Variants in HIVEP3 observed in about 807,000 individuals in gnomAD.
The protein encoded by HIVEP3 is transcription factor HIVEP3.
In HIVEP3, 49 loss-of-function variants were observed where a neutral mutation model predicts 152.8. The observed-to-expected ratio is 0.32, with a 90% confidence interval of 0.26 to 0.41. The LOEUF is 0.41. Among genes scored for constraint, HIVEP3 ranks in the 10% least tolerant of loss-of-function variants. The pLI, the probability that HIVEP3 is intolerant of heterozygous loss-of-function variation, is 1.00. For synonymous variants in HIVEP3, 1,269 were observed against 1,289.0 expected (o/e 0.98, Z 0.33); for missense variants, 2,790 against 3,103.3 (o/e 0.90, Z 2.40).
chr1:41,535,511 G>A (rs1047811941), intron 5 of HIVEP3: 15 of 152,230 alleles, frequency 9.9e-5, no homozygotes, highest in East Asian at 3.9e-4. Context: ...GCTGCAAGAC[G>A]GTCCACTGCT....
chr1:41,584,535 G>T lies in HIVEP3; in HGVS notation c.263C>A (p.Ala88Glu). ...CGGAAGCTGTGAGATGTGGACGGAT[G>T]CTTCGATGGGGGGCCTTTTGGGGGG... ...QKPPKRPPIEASVHISQLPQH... is the reference protein window; with the variant it reads ...QKPPKRPPIEESVHISQLPQH... Residue 88 changes from alanine (A) to glutamate (E), a missense_variant, in exon 4 of 9, where the codon GCA becomes GAA. Physicochemically the swap from Ala to Glu is moderately radical, Grantham distance 107. Coordinates refer to ENST00000372583, the MANE Select transcript of HIVEP3 (RefSeq NM_024503.5). The surrounding 1 kb of genome is among the most constrained non-coding windows in gnomAD (Gnocchi z 5.2). 1 of 1,614,140 alleles carries T rather than the reference G, an allele frequency of 6.2e-7. No individual in the cohort carries two copies. The highest frequency in any genetic ancestry group is 8.5e-7 in the Non-Finnish European group (1 of 1,180,016).
chr1:41,885,414 C>G (rs1279804001), intron 1 of HIVEP3, among the ~76,000 whole-genome samples: 3 of 152,080 alleles, frequency 2.0e-5, no homozygotes, highest in Non-Finnish European at 2.9e-5. Context: ...GCCTATAATC[C>G]CAGCACTTTG....
At chr1:41,917,682 A>G (rs953790727) in intron 1 of HIVEP3, among the ~76,000 whole-genome samples, 1 of 152,192 alleles carries the variant, frequency 6.6e-6, no homozygotes, top group Non-Finnish European at 1.5e-5. Context: ...TCCATTTAAA[A>G]GATAGTAAAA....
At chr1:41,907,636 C>A (rs762616892) in intron 1 of HIVEP3, among the ~76,000 whole-genome samples, 3 of 152,196 alleles carry the variant, frequency 2.0e-5, no homozygotes, top group Non-Finnish European at 4.4e-5. Flanking sequence ...TGTGCCCCAC[C>A]ACTAGTAGGC....
chr1:41,536,953 T>C (rs776609802), intron 5 of HIVEP3, among the ~76,000 whole-genome samples: 1 of 152,194 alleles, frequency 6.6e-6, no homozygotes. Flanking sequence ...TTAACTGCTG[T>C]GCAATTCTGT....
intron 5 of HIVEP3, among the ~76,000 whole-genome samples, chr1:41,571,115 G>A (rs1277281835): frequency 1.3e-5 from 2 of 152,036 alleles, no homozygotes; most frequent in African/African-American, 2.4e-5. Flanking sequence ...CGCAGGGTCT[G>A]GCATGGACTC....
At chr1:41,818,600 T>C (rs1028432197) in intron 1 of HIVEP3, among the ~76,000 whole-genome samples, 1 of 152,156 alleles carries the variant, frequency 6.6e-6, no homozygotes, top group South Asian at 2.1e-4. Flanking sequence ...CACGCAGTCA[T>C]TGGAAGCAGT....
intron 1 of HIVEP3, among the ~76,000 whole-genome samples, chr1:42,030,504 C>A (rs1323542124): frequency 6.6e-6 from 1 of 152,232 alleles, no homozygotes; most frequent in Non-Finnish European, 1.5e-5. Context: ...AAGTAGACTT[C>A]TTCTCTACCA....
chr1:41,597,970 A>G (rs1217062006), intron 3 of HIVEP3, among the ~76,000 whole-genome samples: 1 of 152,116 alleles, frequency 6.6e-6, no homozygotes, highest in Non-Finnish European at 1.5e-5. Context: ...CCACCTACCT[A>G]TCTCATTGTT....
At chr1:41,809,819 G>T (rs1415344851) in intron 1 of HIVEP3, among the ~76,000 whole-genome samples, 4 of 152,114 alleles carry the variant, frequency 2.6e-5, no homozygotes, top group African/African-American at 7.2e-5. Flanking sequence ...TCAGATGAAA[G>T]AAAAAGGGGA....
intron 1 of HIVEP3, among the ~76,000 whole-genome samples, chr1:41,979,329 C>T (rs1192237781): frequency 6.6e-6 from 1 of 152,104 alleles, no homozygotes; most frequent in Admixed American, 6.6e-5. Context: ...ATGCCTGGCC[C>T]GGTGTGAGAC....
At chr1:41,636,025 G>A (rs1473865501) in intron 2 of HIVEP3, among the ~76,000 whole-genome samples, 1 of 152,226 alleles carries the variant, frequency 6.6e-6, no homozygotes, top group Admixed American at 6.5e-5. Flanking sequence ...CAACTGGCTG[G>A]CTGTTTATTC....
At chr1:41,779,004 G>A (rs2124278729) in intron 1 of HIVEP3, among the ~76,000 whole-genome samples, 1 of 152,318 alleles carries the variant, frequency 6.6e-6, no homozygotes, top group East Asian at 1.9e-4. Context: ...AGACCAGTGT[G>A]GCTGAAGGGC....
chr1:41,766,940 AG>A (rs1177502266), intron 1 of HIVEP3, among the ~76,000 whole-genome samples: 1 of 152,188 alleles, frequency 6.6e-6, no homozygotes, highest in Non-Finnish European at 1.5e-5. Flanking sequence ...GCAGGAGGAA[AG>A]ACTCCCCAAA....
intron 1 of HIVEP3, among the ~76,000 whole-genome samples, chr1:41,731,218 G>C (rs1006035126): frequency 6.6e-6 from 1 of 152,118 alleles, no homozygotes; most frequent in African/African-American, 2.4e-5. Context: ...GAGAGACAGA[G>C]GTGCTGGGTT....
rs376235799 is a variant in HIVEP3, at chr1:41,582,062, C to A, written c.2736G>T (p.Glu912Asp). The A allele has an allele frequency of 1.2e-6, 2 of 1,614,204 alleles. No homozygotes were observed. The highest frequency in any genetic ancestry group is 1.7e-5 in the Admixed American group (1 of 60,024). The change falls in exon 4 of 9, where the codon GAG becomes GAT. Residue 912 changes from glutamate to aspartate, a missense_variant. By Grantham distance (45) the Glu-to-Asp change is conservative (BLOSUM62 2). Transcript: ENST00000372583. This position sits in a 1 kb window ranked among gnomAD's most constrained non-coding sequence, Gnocchi z 4.7. ...TGGACTCCCCTGATGATTGGGCCAT[C>A]TCTGCCAGGCGCAACCTCTTCTTTT... is the stretch of plus-strand genomic sequence containing the variant. The part of the protein sequence containing the change: ...PPKKKRLRLA[E>D]MAQSSGESSF...
intron 4 of HIVEP3, among the ~76,000 whole-genome samples, chr1:41,576,586 TG>T (rs1644330888): frequency 6.6e-6 from 1 of 152,202 alleles, no homozygotes; most frequent in Admixed American, 6.5e-5. Context: ...TGAAAAACCA[TG>T]CTGTTTCCAT....
At chr1:41,804,373 G>A (rs1414271556) in intron 1 of HIVEP3, among the ~76,000 whole-genome samples, 1 of 152,208 alleles carries the variant, frequency 6.6e-6, no homozygotes, top group African/African-American at 2.4e-5. Flanking sequence ...GCCAAAATCT[G>A]CCCAGTGCTG....
At chr1:41,952,079 A>G (rs543960179) in intron 1 of HIVEP3, among the ~76,000 whole-genome samples, 2 of 152,188 alleles carry the variant, frequency 1.3e-5, no homozygotes, top group South Asian at 2.1e-4. Flanking sequence ...CCCTTCCATA[A>G]AGCAGCAGCT....
Sources: allele counts gnomAD v4.1 joint callset (sites outside exome capture counted in the v4.1 genomes callset), GRCh38; gene constraint gnomAD v4.1.1; non-coding constraint Gnocchi (gnomAD v3.1); transcripts MANE v1.5; gene names NCBI Gene and HGNC (gene_info 2026-07-23, HGNC 2026-07-21).